The following SP4 variants were observed in gnomAD, a reference collection of about 807,000 sequenced individuals.
The protein encoded by SP4 is Sp4 transcription factor.
Under a neutral mutation model 72.8 loss-of-function variants are expected in SP4, and 19 were observed. That is an observed-to-expected ratio of 0.26 (90% CI 0.18 to 0.38). SP4 has a LOEUF of 0.38. Among genes scored for constraint, SP4 ranks in the 10% least tolerant of loss-of-function variants. SP4 has a pLI of 1.00. For missense variants in SP4, 1,008 were observed against 926.3 expected (o/e 1.09, Z -1.14); for synonymous variants, 395 against 333.1 (o/e 1.19, Z -2.02).
intron 3 of SP4, among the ~76,000 whole-genome samples, chr7:21,455,888 C>G (rs1282030810): frequency 1.3e-5 from 2 of 152,154 alleles, no homozygotes; most frequent in Non-Finnish European, 2.9e-5. Context: ...TTTCCGTGTT[C>G]TTTAAGTAGA....
At chr7:21,497,702 A>G (rs866602179) in intron 5 of SP4, among the ~76,000 whole-genome samples, 8 of 152,210 alleles carry the variant, frequency 5.3e-5, no homozygotes, top group African/African-American at 1.9e-4. Flanking sequence ...GGAAATGTCT[A>G]ATTCACAGCT....
intron 4 of SP4, among the ~76,000 whole-genome samples, chr7:21,480,027 G>A (rs1335952800): frequency 6.6e-6 from 1 of 151,816 alleles, no homozygotes; most frequent in African/African-American, 2.4e-5. Context: ...AGAGTCTTTA[G>A]GATTTCTGTG....
At chr7:21,451,708 G>A (rs1583396345) in intron 3 of SP4, among the ~76,000 whole-genome samples, 1 of 152,156 alleles carries the variant, frequency 6.6e-6, no homozygotes, top group South Asian at 2.1e-4. Context: ...GATATTGAGA[G>A]GATGGTATTC....
At chr7:21,469,540 A>ATTT (rs59458328) in intron 3 of SP4, among the ~76,000 whole-genome samples, 3 of 127,444 alleles carry the variant, frequency 2.4e-5, no homozygotes, top group Non-Finnish European at 5.1e-5. Flanking sequence ...TTTAGTTATA[A>ATTT]TTTTTTTTTT....
At position 21,511,101 on chromosome 7, in the gene SP4, C is replaced by T; in HGVS notation, c.2187C>T (p.His729=). 1 of 1,614,042 alleles carries T rather than the reference C, an allele frequency of 6.2e-7. No individual in the cohort carries two copies. The highest frequency in any genetic ancestry group is 8.5e-7 in the Non-Finnish European group (1 of 1,179,952). Residue 729 remains histidine (H), a synonymous_variant, in exon 6 of 6, where the codon CAC becomes CAT. Coordinates refer to ENST00000222584, the MANE Select transcript of SP4 (RefSeq NM_003112.5). ...SDHLSKHVKT[H]QNKKGGGTAL... is the part of the protein sequence containing the mutation. ...ATCTCTCCAAACATGTCAAAACGCA[C>T]CAGAATAAAAAAGGTGGTGGGACAG...
intron 5 of SP4, among the ~76,000 whole-genome samples, chr7:21,504,458 A>G (rs978870715): frequency 2.6e-5 from 4 of 152,196 alleles, no homozygotes; most frequent in African/African-American, 7.2e-5. Context: ...TTTCTCACAT[A>G]GGGAGTGTTT....
chr7:21,510,781 C>G (rs1782121131), intron 5 of SP4, among the ~76,000 whole-genome samples: 1 of 152,132 alleles, frequency 6.6e-6, no homozygotes, highest in Admixed American at 6.5e-5. Context: ...TTTACTTGCT[C>G]CAGCTTTTAT....
In SP4 at chr7:21,511,332, A is replaced by T. The variant is rs1782137613; in HGVS notation, c.*63A>T. 6.7e-7 allele frequency: 1 copy of T among 1,503,252 alleles called. No homozygotes were observed. Among genetic ancestry groups the T allele is most frequent in the Non-Finnish European group, 9.1e-7 (1 of 1,100,964 alleles). The allele number at this position is 1,503,252 out of a possible 1,614,324, so 93.1% of individuals were successfully genotyped here. A position where few individuals can be genotyped will look rare whatever the true frequency, so the allele number is the denominator to read the frequency against. On this transcript the variant is annotated 3_prime_UTR_variant, in exon 6 of 6. Coordinates refer to ENST00000222584, the MANE Select transcript of SP4 (RefSeq NM_003112.5). Reference sequence around the variant, plus strand: ...GTTTACACACCTTTGAAAATCTGGAAATGGGCTGGTCAAGTGGATTACAGA... The same window carrying T: ...GTTTACACACCTTTGAAAATCTGGATATGGGCTGGTCAAGTGGATTACAGA...
intron 3 of SP4, among the ~76,000 whole-genome samples, chr7:21,432,647 T>A (rs28528275): frequency 0.021 from 3,165 of 152,234 alleles, 123 homozygotes; most frequent in African/African-American, 0.071. Context: ...AAGTTTTGAA[T>A]TGTGGGGGTC....
chr7:21,456,866 A>G (rs1019879672), intron 3 of SP4, among the ~76,000 whole-genome samples: 6 of 152,194 alleles, frequency 3.9e-5, no homozygotes, highest in African/African-American at 1.2e-4. Context: ...GGTCTTTCCC[A>G]TCCCCACAAG....
intron 5 of SP4, among the ~76,000 whole-genome samples, chr7:21,486,639 TATC>T (rs1394930633): frequency 2.6e-5 from 4 of 152,040 alleles, no homozygotes; most frequent in Non-Finnish European, 4.4e-5. Flanking sequence ...GTCTTTCTCT[TATC>T]ATATAAGAGG....
At chr7:21,444,313 T>G (rs1464296927) in intron 3 of SP4, among the ~76,000 whole-genome samples, 1 of 152,248 alleles carries the variant, frequency 6.6e-6, no homozygotes, top group African/African-American at 2.4e-5. Context: ...GGTACTTCTT[T>G]GAACCTTATG....
intron 3 of SP4, among the ~76,000 whole-genome samples, chr7:21,468,164 T>G (rs890519970): frequency 1.3e-4 from 20 of 152,164 alleles, no homozygotes; most frequent in Admixed American, 6.5e-5. Flanking sequence ...TTGTGTTCAT[T>G]TCTGTCCCTA....
intron 3 of SP4, among the ~76,000 whole-genome samples, chr7:21,447,788 A>C (rs567710210): frequency 3.0e-4 from 45 of 152,266 alleles, no homozygotes; most frequent in African/African-American, 9.4e-4. Flanking sequence ...GGTTCAAGCG[A>C]TTCTCTTGTG....
At chr7:21,498,023 C>G (rs1259765308) in intron 5 of SP4, among the ~76,000 whole-genome samples, 1 of 151,930 alleles carries the variant, frequency 6.6e-6, no homozygotes, top group East Asian at 1.9e-4. Flanking sequence ...CTTGTCACTC[C>G]CCTTCAACCT....
chr7:21,480,949 CG>C (rs1335912243), intron 4 of SP4, among the ~76,000 whole-genome samples: 2 of 152,030 alleles, frequency 1.3e-5, no homozygotes, highest in African/African-American at 4.8e-5. Context: ...GCTTTTGAAC[CG>C]GGGGTTGAGA....
chr7:21,502,022 G>C (rs1781876733), intron 5 of SP4, among the ~76,000 whole-genome samples: 1 of 143,724 alleles, frequency 7.0e-6, no homozygotes, highest in African/African-American at 2.6e-5. Flanking sequence ...TTGGTTTCGG[G>C]CCTTAAATTC....
At chr7:21,502,498 A>G (rs1340306613) in intron 5 of SP4, among the ~76,000 whole-genome samples, 1 of 152,132 alleles carries the variant, frequency 6.6e-6, no homozygotes, top group Non-Finnish European at 1.5e-5. Context: ...TTGTCTCGGT[A>G]TAGAGCCAAC....
chr7:21,447,871 A>G (rs538885041), intron 3 of SP4, among the ~76,000 whole-genome samples: 1 of 152,210 alleles, frequency 6.6e-6, no homozygotes, highest in South Asian at 2.1e-4. Flanking sequence ...GTTACTAGAG[A>G]TGGGGTTTCA....
Sources: gnomAD v4.1 joint callset for allele counts (sites outside exome capture counted in the v4.1 genomes callset) on GRCh38, gnomAD v4.1.1 for gene constraint, MANE v1.5 for transcripts, NCBI Gene and HGNC (gene_info 2026-07-23, HGNC 2026-07-21) for gene names.